Variants in IGSF21 observed in about 807,000 individuals in gnomAD.
IGSF21 encodes the protein immunoglobin superfamily member 21.
In IGSF21, 28 loss-of-function variants were observed where a neutral mutation model predicts 46.8. The ratio of observed to expected loss-of-function variants is 0.60; its 90% CI spans 0.44 to 0.82. IGSF21 has a LOEUF of 0.82. Among genes scored for constraint, IGSF21 ranks in the 40% least tolerant of loss-of-function variants. The pLI is 0.00. For synonymous variants in IGSF21, 284 were observed against 273.6 expected (o/e 1.04, Z -0.38); for missense variants, 624 against 665.5 (o/e 0.94, Z 0.69).
Position 18,115,834 on chromosome 1 carries a change from GAAGGAAGGAAGAAAGAAAGA to G in IGSF21, c.70+7640_70+7659del, listed in dbSNP as rs1229006970. 264 of 92,934 alleles carry G rather than the reference GAAGGAAGGAAGAAAGAAAGA, an allele frequency of 2.8e-3. 1 individual carries two copies. Among genetic ancestry groups the G allele is most frequent in the African/African-American group, 0.012 (251 of 21,200 alleles). The allele number at this position is 92,934 out of a possible 1,614,324, so 5.8% of individuals were successfully genotyped here. A position where few individuals can be genotyped will look rare whatever the true frequency, so the allele number is the denominator to read the frequency against. ...GGGAGGAAGACAGGAAGGAAGGAAG[GAAGGAAGGAAGAAAGAAAGA>G]AAGAAAGAAAGAAAGAAAGAAAGAA... is the stretch of plus-strand genomic sequence containing the variant. On this transcript the variant is annotated intron_variant, in intron 1 of 9. Transcript: ENST00000251296.
At chr1:18,378,177 T>C (rs2124642496) in intron 9 of IGSF21, 79 bp from the exon 10 acceptor site, 2 of 1,194,342 alleles carry the variant, frequency 1.7e-6, no homozygotes, top group East Asian at 4.7e-5. Flanking sequence ...AGCGTCTTTG[T>C]TGGGGACCTG....
At chr1:18,206,955 G>A (rs977851304) in intron 1 of IGSF21, among the ~76,000 whole-genome samples, 2 of 152,222 alleles carry the variant, frequency 1.3e-5, no homozygotes, top group Non-Finnish European at 2.9e-5. Flanking sequence ...TAGCTTAGAA[G>A]TCTGAGTAGG....
At chr1:18,271,457 G>T (rs139566229) in intron 2 of IGSF21, among the ~76,000 whole-genome samples, 9 of 152,286 alleles carry the variant, frequency 5.9e-5, no homozygotes, top group Admixed American at 2.0e-4. Context: ...TTTTAAGTCT[G>T]AAAGTCCTGC....
At chr1:18,288,160 G>A (rs879461143) in intron 2 of IGSF21, among the ~76,000 whole-genome samples, 1 of 152,128 alleles carries the variant, frequency 6.6e-6, no homozygotes, top group African/African-American at 2.4e-5. Context: ...ATTAGGAACC[G>A]AAATCAAACA....
At chr1:18,198,363 G>T in intron 1 of IGSF21, among the ~76,000 whole-genome samples, 1 of 152,158 alleles carries the variant, frequency 6.6e-6, no homozygotes, top group Non-Finnish European at 1.5e-5. Flanking sequence ...TATAGCTGCC[G>T]GGACCCACAT....
At chr1:18,369,284 CT>C in intron 6 of IGSF21, among the ~76,000 whole-genome samples, 1 of 152,344 alleles carries the variant, frequency 6.6e-6, no homozygotes, top group Middle Eastern at 3.4e-3. Flanking sequence ...AGAATAGTAA[CT>C]GCACAAATGT....
rs1481902689 is a variant in IGSF21 at position 18,335,095 on chromosome 1, T to C, written c.424+85T>C. On this transcript the variant is annotated intron_variant, in intron 4 of 9. Coordinates refer to ENST00000251296, the MANE Select transcript of IGSF21 (RefSeq NM_032880.5). The surrounding 1 kb of genome is among the most constrained non-coding windows in gnomAD (Gnocchi z 4.8). ...TGTGAATGTGCGCACAGAGTGGCCA[T>C]CCTGGGGGCCATCCACCAGAAGTTC... 3 of 1,013,440 alleles carry C rather than the reference T, an allele frequency of 3.0e-6. No homozygotes were observed. In the East Asian group the frequency reaches 7.3e-5, roughly 25 times the overall value. The allele number at this position is 1,013,440 out of a possible 1,614,324, so 62.8% of individuals were successfully genotyped here. A position where few individuals can be genotyped will look rare whatever the true frequency, so the allele number is the denominator to read the frequency against.
rs576770480 is a variant in IGSF21 at position 18,187,959 on chromosome 1, G to GA, written c.71-39932dup. Among the ~76,000 whole-genome samples, 151 of 152,228 alleles carry GA rather than the reference G, an allele frequency of 9.9e-4. 2 individuals are homozygous for GA. The highest frequency in any genetic ancestry group is 5.0e-3 in the Admixed American group (77 of 15,296). On this transcript the variant is annotated intron_variant, in intron 1 of 9. Coordinates refer to ENST00000251296, the MANE Select transcript of IGSF21 (RefSeq NM_032880.5). The stretch of plus-strand genomic sequence containing the variant: ...TGAATGAACAAACAAGTGAATACAT[G>GA]AAAAAAATTATAGTCCTGCTTGAAC...
intron 2 of IGSF21, among the ~76,000 whole-genome samples, chr1:18,288,742 C>T (rs778150427): frequency 7.2e-5 from 11 of 152,174 alleles, no homozygotes; most frequent in Non-Finnish European, 1.5e-4. Flanking sequence ...CTTTGCCTTC[C>T]GAGAGGCTGA....
At chr1:18,119,992 C>T (rs1370129164) in intron 1 of IGSF21, among the ~76,000 whole-genome samples, 3 of 152,226 alleles carry the variant, frequency 2.0e-5, no homozygotes, top group South Asian at 2.1e-4. Context: ...TTAGAAACCT[C>T]GGTTCAGATG....
Position 18,376,387 on chromosome 1 carries a change from G to A in IGSF21, c.1093G>A (p.Gly365Arg), listed in dbSNP as rs200133074. 104 of 1,613,180 alleles carry A rather than the reference G, an allele frequency of 6.4e-5. No individual in the cohort carries two copies. Among genetic ancestry groups the A allele is most frequent in the Non-Finnish European group, 1.3e-5 (15 of 1,179,332 alleles). ...VGDTVRILVHGFQNEVFPEPM... is the reference protein window; with the variant it reads ...VGDTVRILVHRFQNEVFPEPM... The stretch of plus-strand genomic sequence containing the variant: ...GGACACAGTGAGGATTCTGGTCCAT[G>A]GGTTTCAGGTCAGCCTCTCTCTGAG... Residue 365 changes from glycine (G) to arginine (R), a missense_variant, in exon 7 of 10, where the codon GGG becomes AGG. By Grantham distance (125) the Gly-to-Arg change is moderately radical. Coordinates refer to ENST00000251296, the MANE Select transcript of IGSF21 (RefSeq NM_032880.5).
In IGSF21 at chr1:18,272,911, T is replaced by C. The variant is rs201611630; in HGVS notation, c.184-18955T>C. On this transcript the variant is annotated intron_variant, in intron 2 of 9. Coordinates refer to ENST00000251296, the MANE Select transcript of IGSF21 (RefSeq NM_032880.5). ...GGAGACAATAAAACCACAAAAGGAA[T>C]GGACAAGAGGCCCAGCCTCTGTCCA... is the stretch of plus-strand genomic sequence containing the variant. Among the ~76,000 whole-genome samples the C allele has an allele frequency of 5.9e-5, 9 of 152,230 alleles. No individual in the cohort carries two copies. In the East Asian group the frequency reaches 1.7e-3, roughly 29 times the overall value.
At chr1:18,314,056 C>T (rs1379443315) in intron 3 of IGSF21, among the ~76,000 whole-genome samples, 1 of 152,214 alleles carries the variant, frequency 6.6e-6, no homozygotes, top group Admixed American at 6.5e-5. Context: ...ATGAAAATAT[C>T]ATTGGGCAAG....
intron 1 of IGSF21, among the ~76,000 whole-genome samples, chr1:18,149,819 T>C (rs925753561): frequency 6.6e-6 from 1 of 152,118 alleles, no homozygotes; most frequent in Non-Finnish European, 1.5e-5. Context: ...AAAATGAGAA[T>C]CATTCATGTC....
chr1:18,118,591 G>A (rs1057398733), intron 1 of IGSF21, among the ~76,000 whole-genome samples: 1 of 152,230 alleles, frequency 6.6e-6, no homozygotes, highest in Non-Finnish European at 1.5e-5. Flanking sequence ...GGCGGAAGGA[G>A]TGAGGTGGGG....
chr1:18,168,017 G>A (rs988931354), intron 1 of IGSF21, among the ~76,000 whole-genome samples: 1 of 152,022 alleles, frequency 6.6e-6, no homozygotes, highest in African/African-American at 2.4e-5. Flanking sequence ...CACATTCATG[G>A]AAGGAGAACA....
rs1221833586 is a variant in IGSF21 at position 18,182,040 on chromosome 1, C to G, written c.71-45858C>G. Among the ~76,000 whole-genome samples, 2 of 152,178 alleles carry G rather than the reference C, an allele frequency of 1.3e-5. 1 individual carries two copies. The highest frequency in any genetic ancestry group is 2.9e-5 in the Non-Finnish European group (2 of 68,038). On this transcript the variant is annotated intron_variant, in intron 1 of 9. Coordinates refer to ENST00000251296, the MANE Select transcript of IGSF21 (RefSeq NM_032880.5). ...GTGACTGCCCTATGCCAGGCACCCCCATTTGTTAGCCTTTAAATGGGATCT... is the reference window on the plus strand; with the variant it reads ...GTGACTGCCCTATGCCAGGCACCCCGATTTGTTAGCCTTTAAATGGGATCT...
chr1:18,368,330 C>A (rs372393928), intron 6 of IGSF21, among the ~76,000 whole-genome samples: 1 of 110,506 alleles, frequency 9.0e-6, no homozygotes, highest in African/African-American at 3.3e-5. Flanking sequence ...GTGGTGAAAC[C>A]CCATCTCTAC....
At position 18,335,046 on chromosome 1, in the gene IGSF21, G is replaced by C. The variant is rs1403052913; in HGVS notation, c.424+36G>C. On this transcript the variant is annotated intron_variant, in intron 4 of 9. Coordinates refer to ENST00000251296, the MANE Select transcript of IGSF21 (RefSeq NM_032880.5). The surrounding 1 kb of genome is among the most constrained non-coding windows in gnomAD (Gnocchi z 4.8). ...GGCCACTGGCCCCTGGTGTCTCAGT[G>C]AGGAGGACGAGTATGCTTGAGTGTG... 6.7e-6 allele frequency: 10 copies of C among 1,492,244 alleles called. No individual in the cohort carries two copies. Among genetic ancestry groups the C allele is most frequent in the Non-Finnish European group, 9.4e-6 (10 of 1,068,880 alleles). The allele number at this position is 1,492,244 out of a possible 1,614,324, so 92.4% of individuals were successfully genotyped here. A position where few individuals can be genotyped will look rare whatever the true frequency, so the allele number is the denominator to read the frequency against.
Sources: allele counts gnomAD v4.1 joint callset (sites outside exome capture counted in the v4.1 genomes callset), GRCh38; gene constraint gnomAD v4.1.1; non-coding constraint Gnocchi (gnomAD v3.1); transcripts MANE v1.5; gene names NCBI Gene and HGNC (gene_info 2026-07-23, HGNC 2026-07-21).